Variants in ZNF536 observed in about 807,000 individuals in gnomAD.
ZNF536 encodes the protein zinc finger protein 536.
A neutral mutation model predicts 84.5 loss-of-function variants in ZNF536; 13 were observed. That is an observed-to-expected ratio of 0.15 (90% CI 0.10 to 0.24). ZNF536 has a LOEUF of 0.24. Ranked by LOEUF, ZNF536 falls within the 10% of genes least tolerant of loss-of-function variation. The pLI is 1.00. For synonymous variants in ZNF536, 811 were observed against 742.5 expected (o/e 1.09, Z -1.50); for missense variants, 1,536 against 1,747.5 (o/e 0.88, Z 2.16).
intron 2 of ZNF536, among the ~76,000 whole-genome samples, chr19:30,313,270 C>A (rs745324538): frequency 7.9e-5 from 12 of 152,312 alleles, no homozygotes; most frequent in Non-Finnish European, 1.3e-4. Flanking sequence ...GTACAGTGAG[C>A]TTTCGGGTCA....
At chr19:30,243,308 A>T (rs146067277) in intron 1 of ZNF536, among the ~76,000 whole-genome samples, 1 of 152,192 alleles carries the variant, frequency 6.6e-6, no homozygotes, top group East Asian at 1.9e-4. Context: ...AAACATGAAT[A>T]TAATTATTGT....
chr19:30,388,351 C>T (rs972902673), intron 1 of ZNF536, among the ~76,000 whole-genome samples: 1 of 152,206 alleles, frequency 6.6e-6, no homozygotes, highest in African/African-American at 2.4e-5. Context: ...ATTATGGATA[C>T]TCGGTGGGGT....
chr19:30,434,328 A>G (rs539700273), intron 1 of ZNF536, among the ~76,000 whole-genome samples: 1 of 152,216 alleles, frequency 6.6e-6, no homozygotes, highest in Non-Finnish European at 1.5e-5. Context: ...AGTGCCTGCC[A>G]TGTCTGCCCC....
chr19:30,650,727 T>C (rs1011345731), intron 1 of ZNF536, among the ~76,000 whole-genome samples: 1 of 152,246 alleles, frequency 6.6e-6, no homozygotes, highest in Non-Finnish European at 1.5e-5. Context: ...TCCAAACAGA[T>C]GACCAAGGTT....
At chr19:30,272,192 T>C (rs966246270) in intron 1 of ZNF536, among the ~76,000 whole-genome samples, 1 of 152,200 alleles carries the variant, frequency 6.6e-6, no homozygotes, top group African/African-American at 2.4e-5. Context: ...CTTTTCTCTT[T>C]TTTTTCTTTG....
intron 1 of ZNF536, chr19:30,665,457 G>C (rs1468668450): frequency 6.6e-6 from 1 of 152,274 alleles, no homozygotes; most frequent in Non-Finnish European, 1.5e-5. Flanking sequence ...AGCAGACTGG[G>C]GGGATCAGTG....
chr19:30,501,087 T>A (rs1182244581), intron 2 of ZNF536, among the ~76,000 whole-genome samples: 1 of 152,188 alleles, frequency 6.6e-6, no homozygotes, highest in Non-Finnish European at 1.5e-5. Context: ...TATCAGGGGC[T>A]GATTACTTTA....
chr19:30,422,856 ACCATCCAT>A (rs756085321), intron 1 of ZNF536, among the ~76,000 whole-genome samples: 20 of 119,512 alleles, frequency 1.7e-4, no homozygotes, highest in South Asian at 1.2e-3. Context: ...CATCCATCCA[ACCATCCAT>A]CCATCCATCC....
In ZNF536 at chr19:30,549,151, A is replaced by G; in HGVS notation, c.3532A>G (p.Asn1178Asp). ...CATGGACTCCTCCAAGGGGGAGAAC[A>G]ACGATGAAGAGGATGTTGAAACCGA... is the stretch of plus-strand genomic sequence containing the variant. ...EDMDSSKGENNDEEDVETEPE... is the reference protein window; with the variant it reads ...EDMDSSKGENDDEEDVETEPE... The change falls in exon 4 of 5, where the codon AAC (asparagine) becomes GAC (aspartate). Residue 1178 changes from asparagine (N) to aspartate (D), a missense_variant. This residue lies in a region of ZNF536 where 624 missense variants were observed against 603.1 expected (regional missense o/e 1.03). Transcript: ENST00000355537. The G allele has an allele frequency of 1.9e-6, 3 of 1,614,090 alleles. No homozygotes were observed. Among genetic ancestry groups the G allele is most frequent in the Non-Finnish European group, 2.5e-6 (3 of 1,180,050 alleles).
At chr19:30,348,377 T>C (rs2047816636) in intron 2 of ZNF536, among the ~76,000 whole-genome samples, 1 of 152,196 alleles carries the variant, frequency 6.6e-6, no homozygotes, top group Admixed American at 6.5e-5. Context: ...AGGCATTTTT[T>C]TGTGGCCTGG....
chr19:30,698,010 C>T (rs1184617256), intron 1 of ZNF536, among the ~76,000 whole-genome samples: 5 of 152,176 alleles, frequency 3.3e-5, no homozygotes, highest in African/African-American at 7.2e-5. Flanking sequence ...GTTTCATAGA[C>T]GTGGGATGTG....
intron 1 of ZNF536, among the ~76,000 whole-genome samples, chr19:30,587,586 A>G (rs545118139): frequency 2.0e-4 from 30 of 152,212 alleles, no homozygotes; most frequent in Non-Finnish European, 2.9e-4. Context: ...AGCCTGCTCC[A>G]GCATGCCATC....
intron 2 of ZNF536, among the ~76,000 whole-genome samples, chr19:30,341,815 A>G (rs989365953): frequency 1.3e-5 from 2 of 152,224 alleles, no homozygotes; most frequent in African/African-American, 4.8e-5. Context: ...GTGGGCCACA[A>G]ATGTGGAGAA....
At chr19:30,562,567 C>G, downstream of ZNF536, among the ~76,000 whole-genome samples, 1 of 152,230 alleles carries the variant, frequency 6.6e-6, no homozygotes, top group Middle Eastern at 3.4e-3. Flanking sequence ...TTCAACCTGT[C>G]GAGCTCACAG....
intron 1 of ZNF536, among the ~76,000 whole-genome samples, chr19:30,704,822 G>A (rs549582967): frequency 1.3e-5 from 2 of 152,046 alleles, no homozygotes; most frequent in South Asian, 2.1e-4. Context: ...AATGTCTCGC[G>A]GTGTTGTTCC....
chr19:30,561,710 G>A (rs995037753), downstream of ZNF536, among the ~76,000 whole-genome samples: 7 of 152,198 alleles, frequency 4.6e-5, no homozygotes, highest in Non-Finnish European at 7.3e-5. Context: ...GATTGAAGGA[G>A]CCGGGGTATT....
At chr19:30,248,224 C>CTTT (rs58799737) in intron 1 of ZNF536, among the ~76,000 whole-genome samples, 21,775 of 130,720 alleles carry the variant, frequency 0.17, 2,635 homozygotes, top group East Asian at 0.41. Flanking sequence ...TCTTTTCTTT[C>CTTT]TTTTTTTTTT....
At chr19:30,339,020 C>T (rs1250318130) in intron 2 of ZNF536, among the ~76,000 whole-genome samples, 3 of 152,112 alleles carry the variant, frequency 2.0e-5, no homozygotes, top group Admixed American at 6.5e-5. Flanking sequence ...CTCTTCCTTC[C>T]CTCCCCCGGG....
intron 1 of ZNF536, among the ~76,000 whole-genome samples, chr19:30,564,504 G>A (rs1472616580): frequency 1.3e-5 from 2 of 152,082 alleles, no homozygotes; most frequent in African/African-American, 2.4e-5. Context: ...TGCCCAGGCT[G>A]ATGGGATGGG....
Sources: gnomAD v4.1 joint callset for allele counts (sites outside exome capture counted in the v4.1 genomes callset) on GRCh38, gnomAD v4.1.1 for gene constraint, gnomAD v4.1.1 regional missense constraint, MANE v1.5 for transcripts, NCBI Gene and HGNC (gene_info 2026-07-23, HGNC 2026-07-21) for gene names.